The following FAM193A variants were observed in gnomAD, a reference collection of about 807,000 sequenced individuals.
The protein encoded by FAM193A is protein FAM193A.
A neutral mutation model predicts 126.5 loss-of-function variants in FAM193A; 22 were observed. That is an observed-to-expected ratio of 0.17 (90% CI 0.12 to 0.25). The LOEUF (loss-of-function observed/expected upper bound fraction) is 0.25. Ranked by LOEUF, FAM193A falls within the 10% of genes least tolerant of loss-of-function variation. The pLI, the probability that FAM193A is intolerant of heterozygous loss-of-function variation, is 1.00. For synonymous variants in FAM193A, 761 were observed against 646.8 expected (o/e 1.18, Z -2.68); for missense variants, 1,675 against 1,672.8 (o/e 1.00, Z -0.02).
At chr4:2,591,290 A>C (rs1387673463) in intron 1 of FAM193A, among the ~76,000 whole-genome samples, 4 of 152,108 alleles carry the variant, frequency 2.6e-5, no homozygotes. Context: ...AGGAGTTTCA[A>C]GTGGGTGATT....
At chr4:2,612,101 G>A (rs1286279725) in intron 2 of FAM193A, among the ~76,000 whole-genome samples, 1 of 151,744 alleles carries the variant, frequency 6.6e-6, no homozygotes, top group Non-Finnish European at 1.5e-5. Context: ...CTCCCAAAGT[G>A]CTGGGATTAC....
chr4:2,619,324 C>T (rs894414912), intron 2 of FAM193A, among the ~76,000 whole-genome samples: 9 of 151,680 alleles, frequency 5.9e-5, no homozygotes, highest in Middle Eastern at 6.8e-3. Context: ...TTTTTTGAGA[C>T]GGAGTCCTCA....
chr4:2,603,999 T>C (rs1437573841), intron 2 of FAM193A, among the ~76,000 whole-genome samples: 2 of 151,940 alleles, frequency 1.3e-5, no homozygotes, highest in East Asian at 1.9e-4. Flanking sequence ...TGTGTCACCA[T>C]GCCCAGCTAA....
chr4:2,719,730 GAGACACTCTCAAAAA>G (rs1719906298), intron 20 of FAM193A, among the ~76,000 whole-genome samples: 1 of 136,710 alleles, frequency 7.3e-6, no homozygotes, highest in Non-Finnish European at 1.5e-5. Context: ...GGGCAACAGA[GAGACACTCTCAAAAA>G]AAAAAAAAAA....
chr4:2,565,071 G>C (rs993729336), intron 1 of FAM193A, among the ~76,000 whole-genome samples: 3 of 152,010 alleles, frequency 2.0e-5, no homozygotes, highest in African/African-American at 7.2e-5. Context: ...AGTACTGGGG[G>C]AGTATAGGAG....
At chr4:2,716,168 C>G in intron 20 of FAM193A, 64 bp downstream of exon 20, 3 of 1,102,632 alleles carry the variant, frequency 2.7e-6, no homozygotes, top group Non-Finnish European at 4.2e-6. Flanking sequence ...GTTTGGTTTT[C>G]TGTCTTTCCA....
chr4:2,635,179 C>T (rs1743969082), intron 5 of FAM193A, among the ~76,000 whole-genome samples: 1 of 152,122 alleles, frequency 6.6e-6, no homozygotes, highest in African/African-American at 2.4e-5. Context: ...TGGGTTATTC[C>T]AATCAGGACC....
At chr4:2,689,316 T>G (rs1190766214) in intron 13 of FAM193A, among the ~76,000 whole-genome samples, 190 bp from the exon 14 acceptor site, 1 of 152,226 alleles carries the variant, frequency 6.6e-6, no homozygotes, top group Non-Finnish European at 1.5e-5. Context: ...TGGTTGAAAT[T>G]TGACCTGTCG....
chr4:2,538,720 AAT>A (rs1339849788), intron 1 of FAM193A, among the ~76,000 whole-genome samples: 2 of 151,890 alleles, frequency 1.3e-5, no homozygotes, highest in Non-Finnish European at 2.9e-5. Context: ...CCTTACACAA[AAT>A]ATTGATAATT....
At position 2,732,332 on chromosome 4, in the gene FAM193A, G is replaced by A. The variant is rs774175493; in HGVS notation, c.*464G>A. On this transcript the variant is annotated 3_prime_UTR_variant, in exon 21 of 21. Coordinates refer to ENST00000637812, the MANE Select transcript of FAM193A (RefSeq NM_001366318.2). ...TTGTTCTCCACAATCTACTGTCTCC[G>A]AGTGTACACGTTGCGCTGTTTGTGT... The A allele has an allele frequency of 6.0e-5, 12 of 201,412 alleles. No homozygotes were observed. Among genetic ancestry groups the A allele is most frequent in the Admixed American group, 3.3e-4 (6 of 18,436 alleles). 12.5% of individuals were successfully genotyped at this position (201,412 alleles called of 1,614,324 possible).
rs1560469602 is a variant in FAM193A at position 2,597,832 on chromosome 4, T to TACCACAGCTAAGCTACAGAACATTTGCAC, written c.501+1503_501+1504insACCACAGCTAAGCTACAGAACATTTGCAC. 2.6e-5 allele frequency among the ~76,000 whole-genome samples: 4 copies of TACCACAGCTAAGCTACAGAACATTTGCAC among 152,164 alleles called. 1 individual carries two copies. Among genetic ancestry groups the TACCACAGCTAAGCTACAGAACATTTGCAC allele is most frequent in the East Asian group, 1.9e-4 (1 of 5,190 alleles). ...ACAGCTAAGCTACAGAACATTTGCA[T>TACCACAGCTAAGCTACAGAACATTTGCAC]CACCCCATAAAATCCCCTTGTTCCC... On this transcript the variant is annotated intron_variant, in intron 2 of 20. Transcript: ENST00000637812.
chr4:2,688,164 G>A (rs1318058464), intron 13 of FAM193A, among the ~76,000 whole-genome samples: 1 of 152,150 alleles, frequency 6.6e-6, no homozygotes, highest in Non-Finnish European at 1.5e-5. Context: ...AAGGACTGGG[G>A]GAGAAGGGCC....
At chr4:2,629,073 C>T (rs893353301) in intron 4 of FAM193A, among the ~76,000 whole-genome samples, 12 of 152,030 alleles carry the variant, frequency 7.9e-5, no homozygotes, top group African/African-American at 2.7e-4. Context: ...AGGATGGTCT[C>T]AATCTCGCCT....
rs963264565 is a variant in FAM193A at position 2,536,966 on chromosome 4, G to GGGC, written c.64_66dup (p.Gly22dup). ...GGGCCAAGCGCCGGAAGAACAAGCG[G>GGGC]GGCGGCGGCGGCGGCTCGGGCGGGG... On this transcript the variant is annotated inframe_insertion, in exon 1 of 21. Coordinates refer to ENST00000637812, the MANE Select transcript of FAM193A (RefSeq NM_001366318.2). 7 of 149,350 alleles carry GGGC rather than the reference G, an allele frequency of 4.7e-5. No homozygotes were observed. The highest frequency in any genetic ancestry group is 3.4e-3 in the Middle Eastern group (1 of 296). 9.3% of individuals were successfully genotyped at this position (149,350 alleles called of 1,614,324 possible).
chr4:2,730,071 G>C (rs538902858), intron 20 of FAM193A, among the ~76,000 whole-genome samples: 72 of 152,138 alleles, frequency 4.7e-4, no homozygotes, highest in African/African-American at 1.7e-3. Flanking sequence ...GCCACTCCTG[G>C]CTAACTTTTT....
chr4:2,691,118 A>G lies in FAM193A; in HGVS notation c.2803+148A>G, dbSNP rs143177132. 39 of 679,194 alleles carry G rather than the reference A, an allele frequency of 5.7e-5. No individual in the cohort carries two copies. The East Asian group carries it at 1.0e-3, about 18-fold the overall frequency. 42.1% of individuals were successfully genotyped at this position (679,194 alleles called of 1,614,324 possible). On this transcript the variant is annotated intron_variant, in intron 15 of 20. Transcript: ENST00000637812. Reference sequence around the variant, plus strand: ...ATTAACTGCCCAAAAATGCTCACACACAGAGAGCTGATCCCCTAGGACTTT... The same window carrying G: ...ATTAACTGCCCAAAAATGCTCACACGCAGAGAGCTGATCCCCTAGGACTTT...
At chr4:2,614,248 G>T (rs1742056250) in intron 2 of FAM193A, among the ~76,000 whole-genome samples, 1 of 152,162 alleles carries the variant, frequency 6.6e-6, no homozygotes, top group Non-Finnish European at 1.5e-5. Flanking sequence ...TTAGGGGAAA[G>T]CATTTGGTCT....
intron 7 of FAM193A, among the ~76,000 whole-genome samples, chr4:2,651,376 T>C (rs566467069): frequency 1.6e-4 from 25 of 152,146 alleles, no homozygotes; most frequent in African/African-American, 5.8e-4. Context: ...TCTGGGTAAT[T>C]TATAAAGAAC....
intron 1 of FAM193A, among the ~76,000 whole-genome samples, chr4:2,582,841 A>AACAATAT (rs1740028380): frequency 3.9e-5 from 6 of 152,090 alleles, no homozygotes; most frequent in African/African-American, 1.4e-4. Flanking sequence ...TGTATTTCAC[A>AACAATAT]GGAGGTTTCT....
Sources: allele counts gnomAD v4.1 joint callset (sites outside exome capture counted in the v4.1 genomes callset), GRCh38; gene constraint gnomAD v4.1.1; transcripts MANE v1.5; gene names NCBI Gene and HGNC (gene_info 2026-07-23, HGNC 2026-07-21).